EXOC4: variants seen among roughly 807,000 people sequenced by gnomAD.
The protein encoded by EXOC4 is SEC8-like 1.
EXOC4 carries 71 observed loss-of-function variants against 107.2 expected under a neutral mutation model. The ratio of observed to expected loss-of-function variants is 0.66; its 90% CI spans 0.55 to 0.81. The LOEUF (loss-of-function observed/expected upper bound fraction) is 0.81. EXOC4 is among the 30% of genes least tolerant of loss of function. The pLI, the probability that EXOC4 is intolerant of heterozygous loss-of-function variation, is 0.00. For missense variants in EXOC4, 1,108 were observed against 1,189.6 expected (o/e 0.93, Z 1.01); for synonymous variants, 456 against 441.2 (o/e 1.03, Z -0.42).
chr7:133,314,985 T>C (rs1203694922), intron 4 of EXOC4: 2 of 152,290 alleles, frequency 1.3e-5, no homozygotes, highest in Non-Finnish European at 2.9e-5. Context: ...ATTTTATTTG[T>C]AAATATGTAT....
intron 17 of EXOC4, among the ~76,000 whole-genome samples, chr7:134,026,751 A>G (rs1795145790): frequency 6.6e-6 from 1 of 152,164 alleles, no homozygotes; most frequent in Non-Finnish European, 1.5e-5. Context: ...ATCGTTAGAG[A>G]AAATGTTGTA....
At chr7:134,052,909 C>T (rs945705808) in intron 17 of EXOC4, among the ~76,000 whole-genome samples, 4 of 152,344 alleles carry the variant, frequency 2.6e-5, no homozygotes, top group African/African-American at 4.8e-5. Flanking sequence ...CCCGGAGTTA[C>T]ATCAGAATAA....
At chr7:133,343,530 G>T (rs1425318796) in intron 5 of EXOC4, among the ~76,000 whole-genome samples, 1 of 151,760 alleles carries the variant, frequency 6.6e-6, no homozygotes, top group Non-Finnish European at 1.5e-5. Context: ...TCCCACCTCA[G>T]CCTCCCAATG....
chr7:133,334,246 G>A (rs1319058886), intron 5 of EXOC4, among the ~76,000 whole-genome samples: 1 of 152,092 alleles, frequency 6.6e-6, no homozygotes, highest in Non-Finnish European at 1.5e-5. Context: ...CCCATTCCCA[G>A]TTTCCTTCCT....
the EXOC4 span, among the ~76,000 whole-genome samples, chr7:134,080,664 C>T: frequency 6.6e-6 from 1 of 151,874 alleles, no homozygotes; most frequent in African/African-American, 2.4e-5. Flanking sequence ...GAACAATGGC[C>T]AGGTGCAGTG....
intron 1 of EXOC4, chr7:133,253,995 A>G (rs1794954232): frequency 1.3e-5 from 2 of 152,082 alleles, no homozygotes; most frequent in Admixed American, 1.3e-4. Flanking sequence ...TTATTATGGC[A>G]CGTTTTTTAC....
chr7:133,828,650 T>A (rs1020511987), intron 11 of EXOC4, among the ~76,000 whole-genome samples: 1 of 152,202 alleles, frequency 6.6e-6, no homozygotes, highest in African/African-American at 2.4e-5. Context: ...AAAACTTGTG[T>A]GTACTTAATC....
At chr7:133,937,399 C>G (rs149343414) in intron 13 of EXOC4, among the ~76,000 whole-genome samples, 75 of 152,290 alleles carry the variant, frequency 4.9e-4, no homozygotes, top group African/African-American at 1.8e-3. Context: ...TCATCCATCT[C>G]AGTTGTAACC....
At chr7:133,414,343 A>G (rs1797426346) in intron 7 of EXOC4, among the ~76,000 whole-genome samples, 1 of 152,170 alleles carries the variant, frequency 6.6e-6, no homozygotes. Flanking sequence ...ATGAGAAGAA[A>G]CAGGAACTCT....
chr7:134,098,463 A>G, the EXOC4 span, among the ~76,000 whole-genome samples: 1 of 152,136 alleles, frequency 6.6e-6, no homozygotes, highest in Non-Finnish European at 1.5e-5. Context: ...TCCTAATCAA[A>G]ACTGCAAAAT....
chr7:133,505,544 A>G (rs574010082), intron 9 of EXOC4, among the ~76,000 whole-genome samples: 36 of 151,940 alleles, frequency 2.4e-4, no homozygotes, highest in Non-Finnish European at 4.4e-4. Context: ...AGCCATGAAA[A>G]TTTTTCTAAT....
chr7:133,655,315 C>G (rs1309525445), intron 10 of EXOC4, among the ~76,000 whole-genome samples: 1 of 151,998 alleles, frequency 6.6e-6, no homozygotes, highest in Non-Finnish European at 1.5e-5. Context: ...TCTATCACCC[C>G]AAACCTTTGT....
chr7:133,516,221 T>C (rs1799872741), intron 9 of EXOC4, among the ~76,000 whole-genome samples: 1 of 152,196 alleles, frequency 6.6e-6, no homozygotes, highest in African/African-American at 2.4e-5. Context: ...CATACCATAC[T>C]GTTCACCCAT....
chr7:133,377,306 A>T (rs1179144899), intron 7 of EXOC4, among the ~76,000 whole-genome samples: 2 of 152,164 alleles, frequency 1.3e-5, no homozygotes, highest in Non-Finnish European at 2.9e-5. Flanking sequence ...GTGAGCCAAG[A>T]TTGTGCCTCT....
chr7:133,733,044 C>T (rs530758575), intron 10 of EXOC4: 136 of 184,694 alleles, frequency 7.4e-4, no homozygotes, highest in Admixed American at 1.0e-3. Flanking sequence ...TTTCTAAATG[C>T]AACTTGACTG....
chr7:133,515,392 C>T (rs891892575), intron 9 of EXOC4, among the ~76,000 whole-genome samples: 1 of 151,824 alleles, frequency 6.6e-6, no homozygotes, highest in African/African-American at 2.4e-5. Context: ...AATATATGCA[C>T]ATATATACAT....
At chr7:133,321,643 G>T (rs1181256588) in intron 5 of EXOC4, among the ~76,000 whole-genome samples, 1 of 152,142 alleles carries the variant, frequency 6.6e-6, no homozygotes, top group African/African-American at 2.4e-5. Context: ...CATTTGGGTT[G>T]GTTCCAAGTC....
At chr7:133,797,306 G>A (rs1309687945) in intron 10 of EXOC4, among the ~76,000 whole-genome samples, 1 of 152,142 alleles carries the variant, frequency 6.6e-6, no homozygotes, top group Admixed American at 6.5e-5. Context: ...GGGCCAGATT[G>A]AGAGCTGCAG....
chr7:133,620,447 CA>C (rs1368660805), intron 9 of EXOC4, among the ~76,000 whole-genome samples: 1 of 152,160 alleles, frequency 6.6e-6, no homozygotes, highest in Non-Finnish European at 1.5e-5. Context: ...TATGACTTAG[CA>C]ATTTCAGTTC....
Sources: gnomAD v4.1 joint callset for allele counts (sites outside exome capture counted in the v4.1 genomes callset) on GRCh38, gnomAD v4.1.1 for gene constraint, MANE v1.5 for transcripts, NCBI Gene and HGNC (gene_info 2026-07-23, HGNC 2026-07-21) for gene names.